Variants in LVRN observed in about 807,000 individuals in gnomAD.
LVRN encodes the protein laeverin.
In LVRN, 99 loss-of-function variants were observed where a neutral mutation model predicts 111.4. The observed-to-expected ratio is 0.89, with a 90% CI of 0.76 to 1.05. The LOEUF (loss-of-function observed/expected upper bound fraction) is 1.05. Ranked by LOEUF, LVRN falls within the 50% of genes least tolerant of loss-of-function variation. LVRN has a pLI of 0.00. For missense variants in LVRN, 1,414 were observed against 1,206.8 expected, an observed-to-expected ratio of 1.17 and a Z score of -2.54; for synonymous variants, 488 against 449.5, an observed-to-expected ratio of 1.09 and a Z score of -1.08.
At chr5:116,018,924 C>A (rs1748657911) in intron 18 of LVRN, among the ~76,000 whole-genome samples, 1 of 151,894 alleles carries the variant, frequency 6.6e-6, no homozygotes, top group Non-Finnish European at 1.5e-5. Flanking sequence ...TATCCCTCTC[C>A]CCACAGAGAC....
chr5:115,998,895 C>G (rs1286048968), intron 6 of LVRN, among the ~76,000 whole-genome samples: 1 of 152,054 alleles, frequency 6.6e-6, no homozygotes, highest in Non-Finnish European at 1.5e-5. Flanking sequence ...AAATAATGTG[C>G]TAATAGAAAG....
rs752602215 is a variant in LVRN, at chr5:115,987,938, A to T, written c.1104A>T (p.Thr368=). The T allele has an allele frequency of 6.2e-7, 1 of 1,609,232 alleles. No homozygotes were observed. The highest frequency in any genetic ancestry group is 1.7e-4 in the Middle Eastern group (1 of 6,036). The change falls in exon 4 of 20, where the codon ACA becomes ACT. Residue 368 remains threonine (T), a splice_region_variant and synonymous_variant. Transcript: ENST00000357872. The part of the protein sequence containing the change: ...LFNISYSLPK[T]DIIALPSFDN... Reference sequence around the variant, plus strand: ...ATATCAGTTACTCTCTTCCAAAAACAGGTGAGGTAATCTTTTCCTTTCAGT... The same window carrying T: ...ATATCAGTTACTCTCTTCCAAAAACTGGTGAGGTAATCTTTTCCTTTCAGT...
rs951721665 is a variant in LVRN, at chr5:116,027,310, C to A, written c.*1192C>A. On this transcript the variant is annotated 3_prime_UTR_variant, in exon 20 of 20. Coordinates refer to ENST00000357872, the MANE Select transcript of LVRN (RefSeq NM_173800.5). ...TTTTAAAGATTAAGGAGTATGACAT[C>A]AATTAACAGTCTTTAAAGATGTTAC... is the stretch of plus-strand genomic sequence containing the variant. 3 of 152,166 alleles carry A rather than the reference C, an allele frequency of 2.0e-5. No homozygotes were observed. Among genetic ancestry groups the A allele is most frequent in the Non-Finnish European group, 4.4e-5 (3 of 68,028 alleles). 9.4% of individuals were successfully genotyped at this position (152,166 alleles called of 1,614,324 possible).
intron 3 of LVRN, among the ~76,000 whole-genome samples, chr5:115,985,039 G>A (rs574962234): frequency 4.3e-4 from 65 of 152,276 alleles, no homozygotes; most frequent in African/African-American, 1.4e-3. Context: ...TGATGTTTGC[G>A]TTTAGTATGT....
At chr5:115,980,729 A>T (rs913888889) in intron 1 of LVRN, among the ~76,000 whole-genome samples, 10 of 152,168 alleles carry the variant, frequency 6.6e-5, no homozygotes, top group African/African-American at 2.2e-4. Flanking sequence ...AGTTTCTGTT[A>T]CAAAGACAAT....
At chr5:115,981,383 G>A (rs1307747091) in intron 1 of LVRN, among the ~76,000 whole-genome samples, 2 of 152,062 alleles carry the variant, frequency 1.3e-5, no homozygotes, top group African/African-American at 2.4e-5. Flanking sequence ...CCAGGGCGAC[G>A]AATATGACTC....
chr5:116,010,395 G>A (rs1404871585), intron 13 of LVRN: 4 of 364,488 alleles, frequency 1.1e-5, no homozygotes, highest in Non-Finnish European at 2.2e-5. Flanking sequence ...ATTAGATAGA[G>A]AATGACTTCT....
In LVRN at chr5:115,997,877, G is replaced by A. The variant is rs529180393; in HGVS notation, c.1375-1885G>A. On this transcript the variant is annotated intron_variant, in intron 6 of 19. Coordinates refer to ENST00000357872, the MANE Select transcript of LVRN (RefSeq NM_173800.5). ...ATCACTTTATGGGAGGCCCAGAATA[G>A]AAAGACCTCTAGGGTGTTGAGGAAG... 3.3e-5 allele frequency among the ~76,000 whole-genome samples: 5 copies of A among 152,268 alleles called. No individual in the cohort carries two copies. The South Asian group carries it at 1.0e-3, about 32-fold the overall frequency.
chr5:116,017,312 A>G (rs1561570103), intron 18 of LVRN, among the ~76,000 whole-genome samples: 1 of 152,182 alleles, frequency 6.6e-6, no homozygotes, highest in East Asian at 1.9e-4. Flanking sequence ...TATCATGTGA[A>G]GCAGTTTTAT....
intron 6 of LVRN, among the ~76,000 whole-genome samples, chr5:115,997,974 A>G (rs1748155251): frequency 6.6e-6 from 1 of 152,196 alleles, no homozygotes. Flanking sequence ...AAAACCTTAT[A>G]CCAGGCAGGC....
rs1037517951 is a variant in LVRN, at chr5:116,015,408, G to A, written c.2607G>A (p.Trp869Ter). 116 of 1,540,044 alleles carry A rather than the reference G, an allele frequency of 7.5e-5. No individual in the cohort carries two copies. The highest frequency in any genetic ancestry group is 9.4e-5 in the Non-Finnish European group (108 of 1,144,822). ...CAATGAGCTGCAGCAAAGACCCATG[G>A]ATACTTAACAGGTGATTATGGTCAA... ...AYAMSCSKDP[W>*]ILNRYMEYAI... The change falls in exon 17 of 20, where the codon TGG (tryptophan) becomes TGA (stop). Residue 869 changes from tryptophan to a stop codon, truncating the protein, a stop_gained. Coordinates refer to ENST00000357872, the MANE Select transcript of LVRN (RefSeq NM_173800.5). LOFTEE classifies it high-confidence loss of function.
At chr5:115,972,670 A>T (rs1261765505) in intron 1 of LVRN, among the ~76,000 whole-genome samples, 2 of 151,884 alleles carry the variant, frequency 1.3e-5, no homozygotes, top group East Asian at 3.9e-4. Context: ...CTCATTTCTT[A>T]TTGTAGGGTG....
chr5:115,963,360 C>T (rs1351765976), intron 1 of LVRN, 48 bp downstream of exon 1: 7 of 1,470,070 alleles, frequency 4.8e-6, no homozygotes, highest in East Asian at 2.3e-5. Flanking sequence ...GCCCCTGCGT[C>T]CCGGTGCAGG....
intron 16 of LVRN, 76 bp downstream of exon 16, chr5:116,014,603 T>A: frequency 8.6e-7 from 1 of 1,161,642 alleles, no homozygotes; most frequent in Non-Finnish European, 1.3e-6. Flanking sequence ...ATGTACTCAC[T>A]GTGGGAATGA....
chr5:116,011,448 T>A (rs1044422572), intron 14 of LVRN, among the ~76,000 whole-genome samples: 3 of 151,848 alleles, frequency 2.0e-5, no homozygotes, highest in Admixed American at 6.6e-5. Context: ...GAAAAAAAAA[T>A]TTCCATTTTT....
chr5:115,976,614 A>T (rs1012120942), intron 1 of LVRN, among the ~76,000 whole-genome samples: 4 of 152,122 alleles, frequency 2.6e-5, no homozygotes, highest in African/African-American at 9.7e-5. Context: ...CATGCCACAA[A>T]TGATGTTATG....
chr5:116,005,988 C>T (rs1211899598), intron 13 of LVRN, 21 bp downstream of exon 13: 2 of 1,568,190 alleles, frequency 1.3e-6, no homozygotes, highest in Non-Finnish European at 1.8e-6. Flanking sequence ...TTTCTTCTCT[C>T]ATGGTTTCAG....
Position 116,026,889 on chromosome 5 carries a change from C to T in LVRN, c.*771C>T, listed in dbSNP as rs903606632. On this transcript the variant is annotated 3_prime_UTR_variant, in exon 20 of 20. Transcript: ENST00000357872. ...ATTGTGTATTCACCAGTGGGATGGACACCCTTTCAGCCTAAGCGTACGAGT... is the reference window on the plus strand; with the variant it reads ...ATTGTGTATTCACCAGTGGGATGGATACCCTTTCAGCCTAAGCGTACGAGT... The T allele has an allele frequency of 4.6e-5, 7 of 152,226 alleles. No individual in the cohort carries two copies. The highest frequency in any genetic ancestry group is 1.2e-4 in the African/African-American group (5 of 41,452). The allele number at this position is 152,226 out of a possible 1,614,324, so 9.4% of individuals were successfully genotyped here. A position where few individuals can be genotyped will look rare whatever the true frequency, so the allele number is the denominator to read the frequency against.
intron 13 of LVRN, among the ~76,000 whole-genome samples, chr5:116,007,759 A>T (rs1457540817): frequency 6.6e-6 from 1 of 152,228 alleles, no homozygotes; most frequent in Admixed American, 6.5e-5. Context: ...GAGTCAAGCA[A>T]GTCTATCAGC....
Sources: allele counts gnomAD v4.1 joint callset (sites outside exome capture counted in the v4.1 genomes callset), GRCh38; gene constraint gnomAD v4.1.1; transcripts MANE v1.5; gene names NCBI Gene and HGNC (gene_info 2026-07-23, HGNC 2026-07-21).